SGCD: variants seen among roughly 807,000 people sequenced by gnomAD.
SGCD encodes the protein sarcoglycan delta.
In SGCD, 18 loss-of-function variants were observed where a neutral mutation model predicts 36.6. The observed-to-expected ratio is 0.49, with a 90% CI of 0.34 to 0.73. The LOEUF is 0.73. Ranked by LOEUF, SGCD falls within the 30% of genes least tolerant of loss-of-function variation. The pLI is 0.01. For synonymous variants in SGCD, 133 were observed against 130.6 expected, an observed-to-expected ratio of 1.02 and a Z score of -0.12; for missense variants, 387 against 346.7, an observed-to-expected ratio of 1.12 and a Z score of -0.92.
intron 3 of SGCD, among the ~76,000 whole-genome samples, chr5:156,436,902 G>A (rs1753270413): frequency 6.6e-6 from 1 of 152,086 alleles, no homozygotes; most frequent in South Asian, 2.1e-4. Context: ...AAAGTGTCAG[G>A]GTGCTGATTA....
the SGCD span, among the ~76,000 whole-genome samples, chr5:155,826,387 T>C: frequency 6.6e-6 from 1 of 152,214 alleles, no homozygotes; most frequent in Non-Finnish European, 1.5e-5. Context: ...TTTTACTTAC[T>C]ATACTTACAA....
intron 3 of SGCD, among the ~76,000 whole-genome samples, chr5:156,284,155 A>AGGC (rs1766530470): frequency 6.6e-6 from 1 of 152,204 alleles, no homozygotes; most frequent in African/African-American, 2.4e-5. Context: ...GACCAATAAC[A>AGGC]GGCTCTGAAA....
intron 4 of SGCD, among the ~76,000 whole-genome samples, chr5:156,563,380 G>A (rs1167954783): frequency 6.6e-6 from 1 of 152,096 alleles, no homozygotes; most frequent in Non-Finnish European, 1.5e-5. Flanking sequence ...CCGATAATTA[G>A]TCTGAGACAC....
chr5:156,414,888 G>C (rs955619004), intron 3 of SGCD, among the ~76,000 whole-genome samples: 1 of 152,128 alleles, frequency 6.6e-6, no homozygotes, highest in South Asian at 2.1e-4. Context: ...AACAATGAAG[G>C]CACTACTATT....
intron 4 of SGCD, among the ~76,000 whole-genome samples, chr5:156,524,148 G>A (rs1200867792): frequency 1.1e-4 from 4 of 38,066 alleles, no homozygotes; most frequent in South Asian, 8.5e-4. Context: ...ATATATATAT[G>A]GTTTTACATA....
At chr5:156,654,983 A>G (rs1461448746) in intron 7 of SGCD, among the ~76,000 whole-genome samples, 2 of 152,168 alleles carry the variant, frequency 1.3e-5, no homozygotes, top group East Asian at 1.9e-4. Context: ...AAGGACTTTA[A>G]CAGAAAAGCT....
At chr5:156,466,320 AT>A (rs1052376772) in intron 3 of SGCD, among the ~76,000 whole-genome samples, 1 of 152,184 alleles carries the variant, frequency 6.6e-6, no homozygotes, top group South Asian at 2.1e-4. Context: ...CAAGAAATAA[AT>A]TTTTTTAACT....
intron 1 of SGCD, among the ~76,000 whole-genome samples, chr5:155,926,761 AC>A (rs1354424547): frequency 1.3e-5 from 2 of 152,202 alleles, no homozygotes; most frequent in Non-Finnish European, 2.9e-5. Flanking sequence ...ATTGATGCCT[AC>A]CAAAATTTTG....
intron 4 of SGCD, among the ~76,000 whole-genome samples, chr5:156,556,526 A>C (rs1759027689): frequency 6.6e-6 from 1 of 152,174 alleles, no homozygotes; most frequent in African/African-American, 2.4e-5. Flanking sequence ...GGCTTAAAAT[A>C]ACTAATGCTA....
At chr5:156,745,306 A>C (rs1756893817) in intron 7 of SGCD, among the ~76,000 whole-genome samples, 1 of 152,104 alleles carries the variant, frequency 6.6e-6, no homozygotes, top group Non-Finnish European at 1.5e-5. Context: ...AAATTTCTCT[A>C]CCACTTGATA....
rs954150850 is a variant in SGCD, at chr5:156,393,828, G to A, written c.192+49151G>A. 66 of 456,190 alleles carry A rather than the reference G, an allele frequency of 1.4e-4. 1 individual carries two copies. In the Admixed American group the frequency reaches 1.6e-3, roughly 11 times the overall value. The allele number at this position is 456,190 out of a possible 1,614,324, so 28.3% of individuals were successfully genotyped here. On this transcript the variant is annotated intron_variant, in intron 3 of 8. Transcript: ENST00000337851. ...GAGCTGAGAGGAGCCAGAACCAGGA[G>A]CCAGGTGACTCAGATTCCAGTACCC... is the stretch of plus-strand genomic sequence containing the variant.
intron 3 of SGCD, among the ~76,000 whole-genome samples, chr5:156,368,875 CTA>C (rs1770244317): frequency 6.6e-6 from 1 of 152,206 alleles, no homozygotes; most frequent in South Asian, 2.1e-4. Flanking sequence ...AATTGTATAA[CTA>C]TTTCATTATA....
chr5:156,089,028 G>A (rs1373556744), intron 1 of SGCD, among the ~76,000 whole-genome samples: 1 of 152,176 alleles, frequency 6.6e-6, no homozygotes, highest in Non-Finnish European at 1.5e-5. Context: ...ATGGCACCTT[G>A]TCCCCTGGAT....
intron 1 of SGCD, among the ~76,000 whole-genome samples, chr5:156,052,358 A>G (rs934352321): frequency 6.8e-6 from 1 of 146,008 alleles, no homozygotes; most frequent in African/African-American, 2.5e-5. Context: ...GAAAGGGGAG[A>G]GGCTGGCAGG....
intron 1 of SGCD, among the ~76,000 whole-genome samples, chr5:156,075,651 A>G (rs1760758233): frequency 6.6e-6 from 1 of 152,224 alleles, no homozygotes; most frequent in African/African-American, 2.4e-5. Flanking sequence ...ATGGGTAGAA[A>G]GAAACATAGT....
chr5:156,076,560 G>C (rs542186855), intron 1 of SGCD, among the ~76,000 whole-genome samples: 1 of 152,248 alleles, frequency 6.6e-6, no homozygotes, highest in South Asian at 2.1e-4. Flanking sequence ...CCAGCCTCTG[G>C]ACTCTCTTGA....
At chr5:156,488,234 A>G (rs897288036) in intron 3 of SGCD, among the ~76,000 whole-genome samples, 1 of 151,524 alleles carries the variant, frequency 6.6e-6, no homozygotes. Context: ...GAGCTGGACA[A>G]TGGCATAGAA....
chr5:156,299,709 G>T (rs1337889566), intron 3 of SGCD, among the ~76,000 whole-genome samples: 4 of 152,078 alleles, frequency 2.6e-5, no homozygotes, highest in African/African-American at 9.7e-5. Context: ...TAGTAAATGG[G>T]ATTACTTTCT....
intron 3 of SGCD, among the ~76,000 whole-genome samples, chr5:156,355,612 ATACATAAGGTCCAACACCCTCAAATAAT>A (rs1457884664): frequency 6.6e-6 from 1 of 152,176 alleles, no homozygotes; most frequent in Non-Finnish European, 1.5e-5. Flanking sequence ...GGATCAGATG[ATACATAAGGTCCAACACCCTCAAATAAT>A]TTTTGTTTTT....
Sources: gnomAD v4.1 joint callset for allele counts (sites outside exome capture counted in the v4.1 genomes callset) on GRCh38, gnomAD v4.1.1 for gene constraint, MANE v1.5 for transcripts, NCBI Gene and HGNC (gene_info 2026-07-23, HGNC 2026-07-21) for gene names.